SCGB2B2: variants seen among roughly 807,000 people sequenced by gnomAD.
SCGB2B2 encodes secretoglobin-like protein.
Under a neutral mutation model 7.6 loss-of-function variants are expected in SCGB2B2, and 11 were observed. The observed-to-expected ratio is 1.45, with a 90% confidence interval of 0.91 to 2.40. SCGB2B2 has a LOEUF of 2.40. Among genes scored for constraint, SCGB2B2 ranks in the 30% most tolerant of loss-of-function variants. The pLI is 0.00. For synonymous variants in SCGB2B2, 50 were observed against 48.6 expected (o/e 1.03, Z -0.12); for missense variants, 104 against 115.4 (o/e 0.90, Z 0.45).
At chr19:34,623,037 A>C (rs997981740) in intron 1 of SCGB2B2, among the ~76,000 whole-genome samples, 1 of 151,718 alleles carries the variant, frequency 6.6e-6, no homozygotes, top group Admixed American at 6.6e-5. Flanking sequence ...CCACTCACCA[A>C]TGCTATTATT....
In SCGB2B2 at chr19:34,594,559, C is replaced by T; in HGVS notation, c.5G>A (p.Arg2Lys). 6.2e-7 allele frequency: 1 copy of T among 1,612,584 alleles called. No individual in the cohort carries two copies. The highest frequency in any genetic ancestry group is 1.3e-5 in the African/African-American group (1 of 74,990). The change falls in exon 2 of 4, where the codon AGG (arginine) becomes AAG (lysine). Residue 2 changes from arginine (R) to lysine (K), a missense_variant. Coordinates refer to ENST00000601241, the MANE Select transcript of SCGB2B2 (RefSeq NM_001025591.4). ...AAGAGCACAGGTGGCGGATGTCACCCTCATGACAGCGGAGTCTGGTCCCAG... is the reference window on the plus strand; with the variant it reads ...AAGAGCACAGGTGGCGGATGTCACCTTCATGACAGCGGAGTCTGGTCCCAG... Reference protein sequence around the residue: MRVTSATCALLL... With the variant: MKVTSATCALLL...
intron 1 of SCGB2B2, among the ~76,000 whole-genome samples, chr19:34,599,251 ATGGGT>A (rs1244947124): frequency 1.3e-5 from 2 of 152,148 alleles, no homozygotes; most frequent in East Asian, 1.9e-4. Context: ...GAGGAGTGGG[ATGGGT>A]GGGGAGGACG....
intron 1 of SCGB2B2, among the ~76,000 whole-genome samples, chr19:34,641,158 G>C (rs2066829550): frequency 6.6e-6 from 1 of 151,780 alleles, no homozygotes; most frequent in Non-Finnish European, 1.5e-5. Flanking sequence ...GTTTGGTTTT[G>C]ACTGGTTTTG....
At chr19:34,660,010 C>T (rs2067406317) in intron 1 of SCGB2B2, among the ~76,000 whole-genome samples, 1 of 152,090 alleles carries the variant, frequency 6.6e-6, no homozygotes, top group South Asian at 2.1e-4. Context: ...CTTTGACAAA[C>T]CTGACAAAAA....
downstream of SCGB2B2, among the ~76,000 whole-genome samples, chr19:34,590,405 T>TCATC (rs992147077): frequency 2.4e-5 from 3 of 127,050 alleles, no homozygotes; most frequent in South Asian, 2.6e-4. Context: ...ATTCATCCAT[T>TCATC]CATCCATCCA....
At chr19:34,640,624 G>T (rs1487971018) in intron 1 of SCGB2B2, 2 of 152,162 alleles carry the variant, frequency 1.3e-5, no homozygotes, top group African/African-American at 4.8e-5. Flanking sequence ...ATAGCATGAA[G>T]TTAATCATTT....
intron 1 of SCGB2B2, among the ~76,000 whole-genome samples, chr19:34,599,045 C>T (rs749668722): frequency 8.5e-5 from 13 of 152,288 alleles, no homozygotes; most frequent in Admixed American, 2.0e-4. Flanking sequence ...CTGCACTCCT[C>T]CCAGCTCACC....
At chr19:34,639,845 G>C (rs913879032) in intron 1 of SCGB2B2, among the ~76,000 whole-genome samples, 1 of 151,920 alleles carries the variant, frequency 6.6e-6, no homozygotes, top group African/African-American at 2.4e-5. Flanking sequence ...CATAATCAGA[G>C]GCCAAAACAG....
At chr19:34,588,635 T>G (rs776332012), downstream of SCGB2B2, among the ~76,000 whole-genome samples, 2 of 152,202 alleles carry the variant, frequency 1.3e-5, no homozygotes, top group Non-Finnish European at 2.9e-5. Flanking sequence ...AGGGGTCGGA[T>G]GCTCCATCTC....
At chr19:34,622,543 G>A (rs1214790310) in intron 1 of SCGB2B2, among the ~76,000 whole-genome samples, 6 of 152,202 alleles carry the variant, frequency 3.9e-5, no homozygotes, top group Admixed American at 2.0e-4. Context: ...TAGTGCTCTT[G>A]TTCCTTCTGA....
intron 1 of SCGB2B2, among the ~76,000 whole-genome samples, chr19:34,648,920 T>A (rs568751300): frequency 6.6e-6 from 1 of 152,020 alleles, no homozygotes; most frequent in African/African-American, 2.4e-5. Flanking sequence ...TTATTTATTT[T>A]GAGACGGAGT....
chr19:34,633,564 T>C (rs546193567), intron 1 of SCGB2B2, among the ~76,000 whole-genome samples: 1 of 151,642 alleles, frequency 6.6e-6, no homozygotes, highest in Non-Finnish European at 1.5e-5. Flanking sequence ...AAAAAGAAAA[T>C]AAGTCTACAG....
intron 1 of SCGB2B2, among the ~76,000 whole-genome samples, chr19:34,629,933 T>C (rs1426064795): frequency 6.6e-6 from 1 of 151,828 alleles, no homozygotes; most frequent in African/African-American, 2.4e-5. Context: ...CAATGGAACA[T>C]AACAGAACCC....
At chr19:34,626,929 C>T (rs1158478090) in intron 1 of SCGB2B2, among the ~76,000 whole-genome samples, 1 of 152,202 alleles carries the variant, frequency 6.6e-6, no homozygotes, top group Non-Finnish European at 1.5e-5. Context: ...ACTCTACATG[C>T]CAAAAGAGAG....
intron 1 of SCGB2B2, among the ~76,000 whole-genome samples, chr19:34,624,597 A>C (rs187723690): frequency 1.3e-5 from 2 of 152,274 alleles, no homozygotes; most frequent in African/African-American, 4.8e-5. Context: ...AAAGAAAAGA[A>C]AGGAAGAAAA....
At chr19:34,616,529 T>A (rs1291435528) in intron 1 of SCGB2B2, among the ~76,000 whole-genome samples, 3 of 135,998 alleles carry the variant, frequency 2.2e-5, no homozygotes, top group African/African-American at 7.8e-5. Context: ...CACTTTTTGA[T>A]GGGGTTGTTT....
rs980106960 is a variant in SCGB2B2, at chr19:34,676,759, T to G, written c.-3161A>C. The G allele has an allele frequency of 6.6e-6, 1 of 152,218 alleles. No homozygotes were observed. The highest frequency in any genetic ancestry group is 6.5e-5 in the Admixed American group (1 of 15,278). 9.4% of individuals were successfully genotyped at this position (152,218 alleles called of 1,614,324 possible). On this transcript the variant is annotated 5_prime_UTR_variant, in exon 1 of 4. Transcript: ENST00000601241. ...AAAAAGTCTATAGCGACACTATTTA[T>G]AATTTTAAAAATGATTGAAGTCAAT...
At chr19:34,588,300 A>G (rs2065225133), downstream of SCGB2B2, among the ~76,000 whole-genome samples, 1 of 152,128 alleles carries the variant, frequency 6.6e-6, no homozygotes, top group Non-Finnish European at 1.5e-5. Flanking sequence ...AGGTTTTCAA[A>G]TTGGTGGTTG....
intron 1 of SCGB2B2, among the ~76,000 whole-genome samples, chr19:34,674,671 T>C (rs1289568848): frequency 1.3e-5 from 2 of 152,110 alleles, no homozygotes; most frequent in African/African-American, 4.8e-5. Flanking sequence ...CATAACGAAT[T>C]GGGGTTCTCA....
Sources: allele counts gnomAD v4.1 joint callset (sites outside exome capture counted in the v4.1 genomes callset), GRCh38; gene constraint gnomAD v4.1.1; transcripts MANE v1.5; gene names NCBI Gene and HGNC (gene_info 2026-07-23, HGNC 2026-07-21).